ZNF205: variants seen among roughly 807,000 people sequenced by gnomAD.
The protein encoded by ZNF205 is transcriptional repressor RHIT.
ZNF205 carries 32 observed loss-of-function variants against 53.6 expected under a neutral mutation model. The observed-to-expected ratio is 0.60, with a 90% CI of 0.45 to 0.80. The LOEUF (loss-of-function observed/expected upper bound fraction) is 0.80. ZNF205 is among the 30% of genes least tolerant of loss of function. The pLI is 0.00. For missense variants in ZNF205, 836 were observed against 782.4 expected (o/e 1.07, Z -0.82); for synonymous variants, 382 against 334.3 (o/e 1.14, Z -1.56).
chr16:3,119,322 T>C lies in ZNF205; in HGVS notation c.662T>C (p.Phe221Ser). 6.2e-7 allele frequency: 1 copy of C among 1,612,536 alleles called. No individual in the cohort carries two copies. Among genetic ancestry groups the C allele is most frequent in the South Asian group, 1.1e-5 (1 of 91,046 alleles). Residue 221 changes from phenylalanine to serine, a missense_variant, in exon 7 of 7, where the codon TTC becomes TCC. By Grantham distance (155) the Phe-to-Ser change is radical. Transcript: ENST00000219091. Reference sequence around the variant, plus strand: ...GCAGCCCTTGGGAATGTGAAGCCCTTCAGAACCAGGGCAGGGAGAGTCCAG... The same window carrying C: ...GCAGCCCTTGGGAATGTGAAGCCCTCCAGAACCAGGGCAGGGAGAGTCCAG... ...SVAALGNVKP[F>S]RTRAGRVQWG...
Position 3,120,376 on chromosome 16 carries a change from C to T in ZNF205, c.*51C>T. 1.4e-6 allele frequency: 2 copies of T among 1,450,090 alleles called. No homozygotes were observed. Among genetic ancestry groups the T allele is most frequent in the Non-Finnish European group, 1.8e-6 (2 of 1,108,096 alleles). The allele number at this position is 1,450,090 out of a possible 1,614,324, so 89.8% of individuals were successfully genotyped here. On this transcript the variant is annotated 3_prime_UTR_variant, in exon 7 of 7. Coordinates refer to ENST00000219091, the MANE Select transcript of ZNF205 (RefSeq NM_001042428.2). ...GCCCAGGGCCACTGGAACAGCCCCA[C>T]TGGAGTCAAGGCTCCGAGGGAGGAG...
In ZNF205 at chr16:3,119,031, G is replaced by A. The variant is rs765093652; in HGVS notation, c.595+16G>A. Reference sequence around the variant, plus strand: ...GCGTGCACAGGTGAGGGACGGGCGCGCGCCTTTGTCTGCGGGAGTGGGGCG... The same window carrying A: ...GCGTGCACAGGTGAGGGACGGGCGCACGCCTTTGTCTGCGGGAGTGGGGCG... On this transcript the variant is annotated intron_variant, in intron 6 of 6. Transcript: ENST00000219091. 12 of 1,610,252 alleles carry A rather than the reference G, an allele frequency of 7.5e-6. No homozygotes were observed. The highest frequency in any genetic ancestry group is 1.7e-5 in the Admixed American group (1 of 59,616).
rs758186740 is a variant in ZNF205 at position 3,115,482 on chromosome 16, C to T, written c.185C>T (p.Ser62Leu). ...GAAGAGCCACACTCCGAGGGGGCAT[C>T]GCAGGAGGATGGGGCTCAAGGTGCC... ...EPEEPHSEGA[S>L]QEDGAQGAWG... Residue 62 changes from serine (S) to leucine (L), a missense_variant, in exon 3 of 7, where the codon TCG becomes TTG. Ser to Leu is a moderately radical substitution (Grantham distance 145, BLOSUM62 -2). Coordinates refer to ENST00000219091, the MANE Select transcript of ZNF205 (RefSeq NM_001042428.2). The T allele has an allele frequency of 1.2e-5, 20 of 1,609,596 alleles. No individual in the cohort carries two copies. The African/African-American group carries it at 1.3e-4, about 11-fold the overall frequency.
At position 3,119,655 on chromosome 16, in the gene ZNF205, G is replaced by T. The variant is rs1158019735; in HGVS notation, c.995G>T (p.Gly332Val). The stretch of plus-strand genomic sequence containing the variant: ...GTGACGCACCGGCGCACGCACACGG[G>T]CGAGAAGCCCTACGCCTGCACTGAC... ...HLVTHRRTHT[G>V]EKPYACTDCG... is the part of the protein sequence containing the mutation. The change falls in exon 7 of 7, where the codon GGC becomes GTC. Residue 332 changes from glycine (G) to valine (V), a missense_variant. Coordinates refer to ENST00000219091, the MANE Select transcript of ZNF205 (RefSeq NM_001042428.2). The T allele has an allele frequency of 5.0e-6, 8 of 1,612,892 alleles. No individual in the cohort carries two copies. In the Admixed American group the frequency reaches 1.0e-4, roughly 20 times the overall value.
chr16:3,117,482 T>C, intron 5 of ZNF205, among the ~76,000 whole-genome samples: 1 of 140,192 alleles, frequency 7.1e-6, no homozygotes. Flanking sequence ...ACAGCCTTGC[T>C]CTGTCACCCA....
In ZNF205 at chr16:3,120,286, G is replaced by A. The variant is rs765753832; in HGVS notation, c.1626G>A (p.Ala542=). 1 of 1,591,250 alleles carries A rather than the reference G, an allele frequency of 6.3e-7. No homozygotes were observed. Among genetic ancestry groups the A allele is most frequent in the South Asian group, 1.1e-5 (1 of 89,940 alleles). Residue 542 remains alanine, a synonymous_variant, in exon 7 of 7, where the codon GCG becomes GCA. Coordinates refer to ENST00000219091, the MANE Select transcript of ZNF205 (RefSeq NM_001042428.2). Reference sequence around the variant, plus strand: ...CCATGCTGATGCTGGGGGCGGCGGCGGCGGGGGCTCTGGCCACACCCCCAC... The same window carrying A: ...CCATGCTGATGCTGGGGGCGGCGGCAGCGGGGGCTCTGGCCACACCCCCAC... ...ALAMLMLGAA[A]AGALATPPPA...
chr16:3,113,324 G>C, intron 1 of ZNF205, 93 bp from the exon 2 acceptor site: 1 of 1,249,670 alleles, frequency 8.0e-7, no homozygotes, highest in Middle Eastern at 1.9e-4. Flanking sequence ...AGGAAGCGAG[G>C]GCTGGTTTCT....
chr16:3,116,584 G>T, intron 5 of ZNF205, 37 bp downstream of exon 5: 2 of 1,604,166 alleles, frequency 1.2e-6, no homozygotes, highest in South Asian at 1.1e-5. Context: ...GGGGTGTTAG[G>T]GAGAGGTCCT....
chr16:3,116,071 G>T lies in ZNF205; in HGVS notation c.363+151G>T, dbSNP rs922418705. ...TGTTGCTGGAATTGTCCAGGCTCAA[G>T]GCCCATGGTCAGGCCTGGGCCAAAG... On this transcript the variant is annotated intron_variant, in intron 4 of 6. Coordinates refer to ENST00000219091, the MANE Select transcript of ZNF205 (RefSeq NM_001042428.2). The T allele has an allele frequency of 2.4e-5, 22 of 929,702 alleles. No homozygotes were observed. In the African/African-American group the frequency reaches 3.0e-4, roughly 13 times the overall value. The allele number at this position is 929,702 out of a possible 1,614,324, so 57.6% of individuals were successfully genotyped here.
chr16:3,118,791 C>T (rs1957377901), intron 5 of ZNF205, 114 bp from the exon 6 acceptor site: 5 of 1,148,596 alleles, frequency 4.4e-6, no homozygotes, highest in Non-Finnish European at 4.9e-6. Flanking sequence ...TTTATTTTAC[C>T]CCCTGTTTCC....
intron 6 of ZNF205, 43 bp downstream of exon 6, chr16:3,119,058 A>C: frequency 6.3e-7 from 1 of 1,597,844 alleles, no homozygotes; most frequent in Non-Finnish European, 8.5e-7. Flanking sequence ...AGTGGGGCGC[A>C]GACGCAGGCC....
intron 2 of ZNF205, 71 bp from the exon 3 acceptor site, chr16:3,115,284 G>A (rs1221678103): frequency 1.7e-5 from 21 of 1,249,910 alleles, no homozygotes; most frequent in East Asian, 1.1e-4. Flanking sequence ...CGACGCTGCC[G>A]GAGCGCACTG....
rs757438173 is a variant in ZNF205, at chr16:3,119,370, A to T, written c.710A>T (p.Gln237Leu). 6.2e-7 allele frequency: 1 copy of T among 1,612,410 alleles called. No individual in the cohort carries two copies. Among genetic ancestry groups the T allele is most frequent in the South Asian group, 1.1e-5 (1 of 91,060 alleles). ...RVQWGVPQCA[Q>L]EAACGRSSGP... ...CAGTGGGGCGTCCCGCAGTGCGCGC[A>T]GGAAGCAGCCTGCGGCCGGAGCTCA... Residue 237 changes from glutamine to leucine, a missense_variant, in exon 7 of 7, where the codon CAG (glutamine) becomes CTG (leucine). Gln to Leu is a moderately radical substitution (Grantham distance 113). Transcript: ENST00000219091.
intron 6 of ZNF205, 75 bp downstream of exon 6, chr16:3,119,090 G>A: frequency 6.4e-7 from 1 of 1,561,600 alleles, no homozygotes; most frequent in African/African-American, 1.4e-5. Flanking sequence ...GTCTGTGGGA[G>A]TGGGGCAGGG....
In ZNF205 at chr16:3,120,442, G is replaced by A. The variant is rs922213707; in HGVS notation, c.*117G>A. On this transcript the variant is annotated 3_prime_UTR_variant, in exon 7 of 7. Coordinates refer to ENST00000219091, the MANE Select transcript of ZNF205 (RefSeq NM_001042428.2). ...GGGAGCTGGGGCGGTGAGGGCATGG[G>A]GTGAGGCATGGCGATGGGGGAGGGC... 45 of 1,218,552 alleles carry A rather than the reference G, an allele frequency of 3.7e-5. No homozygotes were observed. The highest frequency in any genetic ancestry group is 8.7e-5 in the Admixed American group (3 of 34,528). The allele number at this position is 1,218,552 out of a possible 1,614,324, so 75.5% of individuals were successfully genotyped here. A position where few individuals can be genotyped will look rare whatever the true frequency, so the allele number is the denominator to read the frequency against.
Position 3,112,644 on chromosome 16 carries a change from G to T in ZNF205, c.-53G>T. The T allele has an allele frequency of 3.3e-6, 1 of 304,500 alleles. No homozygotes were observed. Among genetic ancestry groups the T allele is most frequent in the South Asian group, 2.8e-5 (1 of 36,314 alleles). 18.9% of individuals were successfully genotyped at this position (304,500 alleles called of 1,614,324 possible). A position where few individuals can be genotyped will look rare whatever the true frequency, so the allele number is the denominator to read the frequency against. On this transcript the variant is annotated 5_prime_UTR_variant, in exon 1 of 7. Transcript: ENST00000219091. ...GGAGACTCCCTTCCCGGGGGAGGGG[G>T]CCCCCACTGCCGCAGGTGCCCCCTC... is the stretch of plus-strand genomic sequence containing the variant.
In ZNF205 at chr16:3,113,436, T is replaced by C. The variant is rs1170819823; in HGVS notation, c.6T>C (p.Ser2=). Residue 2 remains serine, a synonymous_variant, in exon 2 of 7, where the codon TCT becomes TCC. Transcript: ENST00000219091. M[S]ADGGGIQDTQ... is the part of the protein sequence containing the mutation. ...TTCTAGCTCTGAAATAGAAAATGTC[T>C]GCAGACGGCGGAGGCATCCAGGACA... The C allele has an allele frequency of 1.9e-6, 3 of 1,613,374 alleles. No homozygotes were observed. The highest frequency in any genetic ancestry group is 1.3e-5 in the African/African-American group (1 of 74,870).
At position 3,119,737 on chromosome 16, in the gene ZNF205, G is replaced by C. The variant is rs1461669953; in HGVS notation, c.1077G>C (p.Thr359=). 1.2e-6 allele frequency: 2 copies of C among 1,612,708 alleles called. No individual in the cohort carries two copies. Among genetic ancestry groups the C allele is most frequent in the South Asian group, 1.1e-5 (1 of 91,042 alleles). Reference sequence around the variant, plus strand: ...TCATCCAGCACCAGATCATCCACACGGGCGAGAAGCCCTACACCTGCCCCG... The same window carrying C: ...TCATCCAGCACCAGATCATCCACACCGGCGAGAAGCCCTACACCTGCCCCG... ...SHLIQHQIIH[T]GEKPYTCPAC... Residue 359 remains threonine, a synonymous_variant, in exon 7 of 7, where the codon ACG becomes ACC. Transcript: ENST00000219091.
At chr16:3,116,147 C>T (rs1052806166) in intron 4 of ZNF205, 11 of 651,984 alleles carry the variant, frequency 1.7e-5, no homozygotes, top group Non-Finnish European at 2.3e-5. Flanking sequence ...CGCTGGTAGC[C>T]GTTGGGAACC....
Sources: allele counts gnomAD v4.1 joint callset (sites outside exome capture counted in the v4.1 genomes callset), GRCh38; gene constraint gnomAD v4.1.1; transcripts MANE v1.5; gene names NCBI Gene and HGNC (gene_info 2026-07-23, HGNC 2026-07-21).